The following LRRC37A2 variants were observed in gnomAD, a reference collection of about 807,000 sequenced individuals.
The protein encoded by LRRC37A2 is leucine rich repeat containing 37 member A2.
A neutral mutation model predicts 68.8 loss-of-function variants in LRRC37A2; 9 were observed. That is an observed-to-expected ratio of 0.13 (90% confidence interval 0.08 to 0.23). The LOEUF is 0.23. LRRC37A2 is among the 10% of genes least tolerant of loss of function. The probability of loss-of-function intolerance (pLI) is 1.00; values close to 1 mark genes in which losing one functional copy is unlikely to be tolerated. For synonymous variants in LRRC37A2, 63 were observed against 367.6 expected, an observed-to-expected ratio of 0.17 and a Z score of 9.48; for missense variants, 168 against 950.4, an observed-to-expected ratio of 0.18 and a Z score of 10.82.
the LRRC37A2 span, among the ~76,000 whole-genome samples, chr17:46,946,203 A>G: frequency 6.7e-6 from 1 of 149,762 alleles, no homozygotes; most frequent in Non-Finnish European, 1.5e-5. Context: ...TGGGAGGCCG[A>G]GGTGGGCAGA....
chr17:46,816,119 A>ACACACACACACGCACGCACG, the LRRC37A2 span, among the ~76,000 whole-genome samples: 5 of 150,552 alleles, frequency 3.3e-5, no homozygotes, highest in Non-Finnish European at 7.4e-5. Flanking sequence ...ACGTACACAC[A>ACACACACACACGCACGCACG]CACACACACA....
the LRRC37A2 span, among the ~76,000 whole-genome samples, chr17:46,799,629 G>A: frequency 6.6e-6 from 1 of 151,824 alleles, no homozygotes; most frequent in South Asian, 2.1e-4. Context: ...TGTATTTTTA[G>A]TAGAGACAGA....
the LRRC37A2 span, among the ~76,000 whole-genome samples, chr17:46,974,491 T>C: frequency 1.2e-4 from 19 of 152,134 alleles, no homozygotes; most frequent in East Asian, 3.7e-3. Flanking sequence ...TCCCAGCACT[T>C]TGGGAGGCCG....
the LRRC37A2 span, among the ~76,000 whole-genome samples, chr17:46,771,767 C>A: frequency 7.0e-6 from 1 of 142,700 alleles, no homozygotes; most frequent in Admixed American, 6.9e-5. Flanking sequence ...GCCCCCGCGC[C>A]GCGCCGCGCC....
chr17:46,608,020 G>A, the LRRC37A2 span, among the ~76,000 whole-genome samples: 2 of 128,754 alleles, frequency 1.6e-5, no homozygotes, highest in South Asian at 2.5e-4. Context: ...TGAAATACAT[G>A]TATTTGACAG....
the LRRC37A2 span, among the ~76,000 whole-genome samples, chr17:46,496,244 CTTGA>C: frequency 7.5e-6 from 1 of 133,374 alleles, no homozygotes; most frequent in African/African-American, 3.1e-5. Context: ...GTTTTGTCCT[CTTGA>C]TTATTTGACC....
the LRRC37A2 span, among the ~76,000 whole-genome samples, chr17:46,896,452 A>AAGAGAAAGAAAG: frequency 4.7e-4 from 31 of 65,880 alleles, no homozygotes; most frequent in East Asian, 1.6e-3. Context: ...GAAAGAAAGA[A>AAGAGAAAGAAAG]AAAGAAAGAA....
At chr17:46,697,237 G>A in the LRRC37A2 span, among the ~76,000 whole-genome samples, 1 of 121,218 alleles carries the variant, frequency 8.2e-6, no homozygotes, top group African/African-American at 3.5e-5. Context: ...TTGAAACAGA[G>A]TCTTACTCTG....
At chr17:46,722,256 T>A in the LRRC37A2 span, 1 of 1,077,956 alleles carries the variant, frequency 9.3e-7, no homozygotes, top group Non-Finnish European at 1.4e-6. Flanking sequence ...TTCTTAAGAT[T>A]AATTTTGGGG....
the LRRC37A2 span, among the ~76,000 whole-genome samples, chr17:46,595,635 G>A: frequency 1.5e-5 from 2 of 129,068 alleles, no homozygotes; most frequent in Non-Finnish European, 3.0e-5. Context: ...AGGATTACAG[G>A]CATGTGCCAC....
the LRRC37A2 span, chr17:46,973,197 A>T: frequency 5.2e-5 from 8 of 153,734 alleles, no homozygotes; most frequent in Middle Eastern, 2.1e-3. Flanking sequence ...TGCTGTACCC[A>T]CTGCCTCTGC....
chr17:47,002,481 C>T, the LRRC37A2 span, among the ~76,000 whole-genome samples: 1 of 151,960 alleles, frequency 6.6e-6, no homozygotes, highest in Non-Finnish European at 1.5e-5. Flanking sequence ...ACCTCCGCCT[C>T]CTGGGTTCAA....
chr17:46,716,152 AAACC>A, the LRRC37A2 span, among the ~76,000 whole-genome samples: 1 of 152,222 alleles, frequency 6.6e-6, no homozygotes, highest in Non-Finnish European at 1.5e-5. Context: ...CTGAGGGGTC[AAACC>A]AGTCTAAAGA....
At chr17:46,883,371 G>T in the LRRC37A2 span, among the ~76,000 whole-genome samples, 11 of 148,794 alleles carry the variant, frequency 7.4e-5, no homozygotes, top group African/African-American at 2.7e-4. Flanking sequence ...TACAACCTCC[G>T]CCTCCCGGGT....
chr17:46,980,177 C>T, the LRRC37A2 span, among the ~76,000 whole-genome samples: 8 of 145,538 alleles, frequency 5.5e-5, no homozygotes, highest in Non-Finnish European at 1.2e-4. Flanking sequence ...CCAGAATGTG[C>T]ATTTCTAACA....
chr17:46,833,071 T>C, the LRRC37A2 span: 1 of 351,230 alleles, frequency 2.8e-6, no homozygotes, highest in Non-Finnish European at 5.6e-6. Context: ...CCCTGAAGAG[T>C]CCACCACACA....
the LRRC37A2 span, among the ~76,000 whole-genome samples, chr17:46,927,607 C>T: frequency 1.3e-5 from 2 of 152,120 alleles, no homozygotes; most frequent in Non-Finnish European, 2.9e-5. Flanking sequence ...GGTAACAAAC[C>T]GGAGCTGTTG....
the LRRC37A2 span, among the ~76,000 whole-genome samples, chr17:46,832,392 G>A: frequency 7.3e-6 from 1 of 137,792 alleles, no homozygotes; most frequent in Non-Finnish European, 1.6e-5. Flanking sequence ...ACACAGGGGG[G>A]AAAAGAGAGA....
the LRRC37A2 span, among the ~76,000 whole-genome samples, chr17:46,770,961 C>T: frequency 6.6e-6 from 1 of 152,254 alleles, no homozygotes; most frequent in South Asian, 2.1e-4. Flanking sequence ...GGAGGTGACT[C>T]GCCACCTGAC....
Sources: gnomAD v4.1 joint callset for allele counts (sites outside exome capture counted in the v4.1 genomes callset) on GRCh38, gnomAD v4.1.1 for gene constraint, MANE v1.5 for transcripts, NCBI Gene and HGNC (gene_info 2026-07-23, HGNC 2026-07-21) for gene names.